CYP20A1: variants seen among roughly 807,000 people sequenced by gnomAD.
CYP20A1 encodes the protein cytochrome P450 20A1.
Under a neutral mutation model 61.4 loss-of-function variants are expected in CYP20A1, and 61 were observed. The observed-to-expected ratio is 0.99, with a 90% CI of 0.81 to 1.23. The LOEUF is 1.23. CYP20A1 is among the 50% of genes most tolerant of loss of function. The pLI is 0.00. For missense variants in CYP20A1, 530 were observed against 542.4 expected, an observed-to-expected ratio of 0.98 and a Z score of 0.23; for synonymous variants, 193 against 188.2, an observed-to-expected ratio of 1.03 and a Z score of -0.21.
chr2:203,295,746 C>T (rs563520265), intron 11 of CYP20A1, among the ~76,000 whole-genome samples: 8 of 151,742 alleles, frequency 5.3e-5, no homozygotes, highest in Admixed American at 3.3e-4. Context: ...GTCAAGAGAT[C>T]GAGACCATCC....
intron 5 of CYP20A1, among the ~76,000 whole-genome samples, chr2:203,268,426 G>A (rs915080283): frequency 6.6e-6 from 1 of 152,022 alleles, no homozygotes; most frequent in Non-Finnish European, 1.5e-5. Context: ...GATAGTACAG[G>A]ACAGTTATTT....
chr2:203,268,692 G>C (rs576810277), intron 5 of CYP20A1, among the ~76,000 whole-genome samples: 61 of 152,022 alleles, frequency 4.0e-4, no homozygotes, highest in Non-Finnish European at 7.8e-4. Context: ...AAATTTATGG[G>C]TTATATGTAT....
At position 203,252,959 on chromosome 2, in the gene CYP20A1, C is replaced by T. The variant is rs62183881; in HGVS notation, c.432+850C>T. Among the ~76,000 whole-genome samples the T allele has an allele frequency of 5.4e-3, 819 of 152,018 alleles. 2 individuals are homozygous for T. Among genetic ancestry groups the T allele is most frequent in the Middle Eastern group, 0.01 (3 of 292 alleles). ...CCACCCAGTTTCCCAGTTGGGGTGG[C>T]GAGCCATTTTCGTCACCTCCAGTTT... On this transcript the variant is annotated intron_variant, in intron 4 of 12. Coordinates refer to ENST00000356079, the MANE Select transcript of CYP20A1 (RefSeq NM_177538.3).
chr2:203,243,148 G>A (rs2105890531), intron 1 of CYP20A1, among the ~76,000 whole-genome samples: 1 of 152,154 alleles, frequency 6.6e-6, no homozygotes, highest in East Asian at 1.9e-4. Flanking sequence ...ATAATCTCTT[G>A]TTTTTTTGAG....
At chr2:203,289,722 C>G in intron 9 of CYP20A1, 43 bp from the exon 10 acceptor site, 1 of 1,075,054 alleles carries the variant, frequency 9.3e-7, no homozygotes, top group Non-Finnish European at 1.4e-6. Flanking sequence ...TTTCTAACTG[C>G]CTCCCAAAAT....
chr2:203,252,174 A>T, intron 4 of CYP20A1, 65 bp downstream of exon 4: 4 of 1,259,360 alleles, frequency 3.2e-6, no homozygotes, highest in South Asian at 3.7e-5. Flanking sequence ...TTTTTTGAGT[A>T]TTGGTGTGTA....
chr2:203,294,941 ATTTTTT>A (rs1167546590), intron 11 of CYP20A1, among the ~76,000 whole-genome samples: 8 of 45,470 alleles, frequency 1.8e-4, no homozygotes, highest in Non-Finnish European at 2.4e-4. Context: ...CTTTAAAAAA[ATTTTTT>A]TTTTTTTTTT....
intron 5 of CYP20A1, 98 bp from the exon 6 acceptor site, chr2:203,272,568 AAAAG>A: frequency 1.8e-6 from 1 of 553,582 alleles, no homozygotes; most frequent in South Asian, 3.4e-5. Context: ...AAAAAAAAAA[AAAAG>A]AGTTAAAGAG....
intron 5 of CYP20A1, among the ~76,000 whole-genome samples, chr2:203,271,377 C>T (rs760464189): frequency 6.6e-6 from 1 of 151,764 alleles, no homozygotes; most frequent in Non-Finnish European, 1.5e-5. Context: ...CTTGAGCCAC[C>T]GCACCTGGCC....
Position 203,303,848 on chromosome 2 carries a change from G to C in CYP20A1, c.*6940G>C, listed in dbSNP as rs1388250754. ...GTTGAGATTGTGCCACTGCACTCCA[G>C]CTTAGGCAATAAAACAAGACTGTCT... On this transcript the variant is annotated 3_prime_UTR_variant, in exon 13 of 13. Coordinates refer to ENST00000356079, the MANE Select transcript of CYP20A1 (RefSeq NM_177538.3). 7.0e-6 allele frequency among the ~76,000 whole-genome samples: 1 copy of C among 142,656 alleles called. No homozygotes were observed. The highest frequency in any genetic ancestry group is 1.5e-5 in the Non-Finnish European group (1 of 66,458). 93.6% of individuals were successfully genotyped at this position (142,656 alleles called of 152,430 possible).
intron 8 of CYP20A1, 60 bp from the exon 9 acceptor site, chr2:203,285,551 AT>A: frequency 6.9e-7 from 1 of 1,438,934 alleles, no homozygotes; most frequent in South Asian, 1.8e-5. Context: ...TTTTTTTCTT[AT>A]TCTATACCCA....
rs2069110231 is a variant in CYP20A1 at position 203,303,678 on chromosome 2, A to G, written c.*6770A>G. Among the ~76,000 whole-genome samples, 1 of 151,842 alleles carries G rather than the reference A, an allele frequency of 6.6e-6. No individual in the cohort carries two copies. The highest frequency in any genetic ancestry group is 2.1e-4 in the South Asian group (1 of 4,812). On this transcript the variant is annotated 3_prime_UTR_variant, in exon 13 of 13. Transcript: ENST00000356079. ...CCATTGCACTCCAGTGTGGGTGACG[A>G]GCGAAAATCCGTCTCAACCAAGAAA...
intron 3 of CYP20A1, 118 bp downstream of exon 3, chr2:203,247,039 T>G: frequency 1.0e-6 from 1 of 953,802 alleles, no homozygotes; most frequent in Non-Finnish European, 1.6e-6. Flanking sequence ...GGCAGGTGGA[T>G]CACATGAGGC....
intron 4 of CYP20A1, among the ~76,000 whole-genome samples, chr2:203,260,577 G>A (rs924706683): frequency 1.3e-5 from 2 of 152,130 alleles, no homozygotes; most frequent in African/African-American, 4.8e-5. Context: ...GGAGTGCAGT[G>A]GCACAGTCAT....
At chr2:203,262,258 A>G (rs997549978) in intron 4 of CYP20A1, among the ~76,000 whole-genome samples, 1 of 152,140 alleles carries the variant, frequency 6.6e-6, no homozygotes, top group Non-Finnish European at 1.5e-5. Context: ...TGGTCTCACT[A>G]TGTTGCCAAG....
chr2:203,255,965 T>C (rs568236627), intron 4 of CYP20A1, among the ~76,000 whole-genome samples: 3 of 152,260 alleles, frequency 2.0e-5, no homozygotes, highest in Admixed American at 2.0e-4. Flanking sequence ...CTTTTATTTA[T>C]TTTGTTTTAA....
chr2:203,262,039 C>T (rs2152070450), intron 4 of CYP20A1, among the ~76,000 whole-genome samples: 1 of 152,176 alleles, frequency 6.6e-6, no homozygotes, highest in African/African-American at 2.4e-5. Context: ...CTGCAGGACC[C>T]TGACACTGGA....
Position 203,294,940 on chromosome 2 carries a change from A to ATTTTTTT in CYP20A1, c.1149-1534_1149-1533insTTTTTTT, listed in dbSNP as rs1559110323. On this transcript the variant is annotated intron_variant, in intron 11 of 12. Transcript: ENST00000356079. The stretch of plus-strand genomic sequence containing the variant: ...AGCCACTGTGCCCAGCCTTTAAAAA[A>ATTTTTTT]ATTTTTTTTTTTTTTTTTTTTTTTT... Among the ~76,000 whole-genome samples the ATTTTTTT allele has an allele frequency of 3.0e-3, 272 of 91,154 alleles. 9 individuals are homozygous for ATTTTTTT. The highest frequency in any genetic ancestry group is 0.011 in the African/African-American group (244 of 22,326). The allele number at this position is 91,154 out of a possible 152,430, so 59.8% of individuals were successfully genotyped here.
rs149928642 is a variant in CYP20A1, at chr2:203,284,953, C to A, written c.851-659C>A. On this transcript the variant is annotated intron_variant, in intron 8 of 12. Coordinates refer to ENST00000356079, the MANE Select transcript of CYP20A1 (RefSeq NM_177538.3). ...TAGAGATGGGGTTTTGCCATGTTGCCCAGACTAGTCTTGAACTCCTGAGCC... is the reference window on the plus strand; with the variant it reads ...TAGAGATGGGGTTTTGCCATGTTGCACAGACTAGTCTTGAACTCCTGAGCC... 2.7e-3 allele frequency among the ~76,000 whole-genome samples: 417 copies of A among 151,732 alleles called. 1 individual carries two copies. Among genetic ancestry groups the A allele is most frequent in the Non-Finnish European group, 4.4e-3 (300 of 67,936 alleles).
Sources: gnomAD v4.1 joint callset for allele counts (sites outside exome capture counted in the v4.1 genomes callset) on GRCh38, gnomAD v4.1.1 for gene constraint, MANE v1.5 for transcripts, NCBI Gene and HGNC (gene_info 2026-07-23, HGNC 2026-07-21) for gene names.